SUSD1: variants seen among roughly 807,000 people sequenced by gnomAD.
SUSD1 encodes the protein sushi domain-containing protein 1.
Under a neutral mutation model 86.9 loss-of-function variants are expected in SUSD1, and 65 were observed. That is an observed-to-expected ratio of 0.75 (90% confidence interval 0.61 to 0.92). The LOEUF is 0.92. Among genes scored for constraint, SUSD1 ranks in the 40% least tolerant of loss-of-function variants. SUSD1 has a pLI of 0.00. For synonymous variants in SUSD1, 346 were observed against 350.0 expected (o/e 0.99, Z 0.13); for missense variants, 850 against 929.7 (o/e 0.91, Z 1.11).
At position 112,052,498 on chromosome 9, in the gene SUSD1, T is replaced by C. The variant is rs114419743; in HGVS notation, c.2110-60A>G. Reference sequence around the variant, plus strand: ...GTGGCACACAGTGTCAGTTTAAATATAGTTTGGAGGCTGAAGCCCTCTGAG... The same window carrying C: ...GTGGCACACAGTGTCAGTTTAAATACAGTTTGGAGGCTGAAGCCCTCTGAG... On this transcript the variant is annotated intron_variant, in intron 14 of 16. Coordinates refer to ENST00000374270, the MANE Select transcript of SUSD1 (RefSeq NM_022486.5). 5.9e-4 allele frequency: 940 copies of C among 1,596,922 alleles called. 4 individuals are homozygous for C. In the African/African-American group the frequency reaches 0.011, roughly 18 times the overall value.
intron 2 of SUSD1, among the ~76,000 whole-genome samples, chr9:112,155,815 G>A (rs1255587830): frequency 6.6e-6 from 1 of 151,322 alleles, no homozygotes; most frequent in Non-Finnish European, 1.5e-5. Context: ...TGAAGAAGGG[G>A]AAGAAGAAAA....
intron 6 of SUSD1, among the ~76,000 whole-genome samples, chr9:112,124,029 G>A (rs1407017927): frequency 2.0e-5 from 3 of 152,042 alleles, no homozygotes; most frequent in African/African-American, 7.2e-5. Flanking sequence ...GATTTAAGGT[G>A]GGTCTCAAAA....
intron 1 of SUSD1, among the ~76,000 whole-genome samples, chr9:112,174,318 TG>T (rs1393877294): frequency 6.6e-6 from 1 of 152,280 alleles, no homozygotes; most frequent in African/African-American, 2.4e-5. Flanking sequence ...CCCCTTTCCC[TG>T]CCCTCACCAC....
intron 10 of SUSD1, among the ~76,000 whole-genome samples, chr9:112,096,498 C>A (rs1235890623): frequency 1.3e-5 from 2 of 152,034 alleles, no homozygotes; most frequent in Non-Finnish European, 2.9e-5. Flanking sequence ...GGACTTCATG[C>A]CTTTACATTT....
At chr9:112,170,193 T>G (rs1833979933) in intron 1 of SUSD1, among the ~76,000 whole-genome samples, 1 of 152,174 alleles carries the variant, frequency 6.6e-6, no homozygotes, top group South Asian at 2.1e-4. Context: ...CCCTTTATTT[T>G]AAGTAACTTT....
At chr9:112,109,338 C>T (rs1830992508) in intron 8 of SUSD1, among the ~76,000 whole-genome samples, 1 of 152,064 alleles carries the variant, frequency 6.6e-6, no homozygotes, top group East Asian at 1.9e-4. Flanking sequence ...AGGAAAATAG[C>T]ATAACTCCAA....
At chr9:112,046,441 A>G (rs1441799605) in intron 15 of SUSD1, among the ~76,000 whole-genome samples, 1 of 152,144 alleles carries the variant, frequency 6.6e-6, no homozygotes, top group Non-Finnish European at 1.5e-5. Context: ...GTCCATTAAG[A>G]CTAAACTTCA....
rs772760211 is a variant in SUSD1, at chr9:112,062,843, A to G, written c.1850+94T>C. The stretch of plus-strand genomic sequence containing the variant: ...TTGTTCTAACCACCCAAGTGCAGCC[A>G]CCAACACAGAAGTCTTCTCCTCACC... On this transcript the variant is annotated intron_variant, in intron 13 of 16. Coordinates refer to ENST00000374270, the MANE Select transcript of SUSD1 (RefSeq NM_022486.5). The G allele has an allele frequency of 3.3e-4, 262 of 799,590 alleles. 1 individual carries two copies. Among genetic ancestry groups the G allele is most frequent in the Admixed American group, 6.5e-4 (31 of 47,768 alleles). 49.5% of individuals were successfully genotyped at this position (799,590 alleles called of 1,614,324 possible).
intron 5 of SUSD1, among the ~76,000 whole-genome samples, chr9:112,136,152 G>A (rs1832253624): frequency 6.6e-6 from 1 of 152,222 alleles, no homozygotes. Flanking sequence ...AGTCAATGCA[G>A]TTTTTAAAAA....
chr9:112,145,833 G>A (rs983510978), intron 3 of SUSD1: 3 of 152,096 alleles, frequency 2.0e-5, no homozygotes, highest in Admixed American at 6.6e-5. Flanking sequence ...GGCTCATGGT[G>A]GTTTCCATGA....
intron 1 of SUSD1, among the ~76,000 whole-genome samples, chr9:112,160,351 C>T (rs1833512673): frequency 6.6e-6 from 1 of 152,034 alleles, no homozygotes; most frequent in African/African-American, 2.4e-5. Context: ...CAAGACCAGC[C>T]TGGCCAACGT....
rs1281605437 is a variant in SUSD1, at chr9:112,124,369, C to T, written c.774G>A (p.Leu258=). 1.9e-6 allele frequency: 3 copies of T among 1,614,076 alleles called. No individual in the cohort carries two copies. The highest frequency in any genetic ancestry group is 1.7e-6 in the Non-Finnish European group (2 of 1,180,014). The change falls in exon 6 of 17, where the codon CTG becomes CTA. Residue 258 remains leucine (L), a synonymous_variant. Transcript: ENST00000374270. ...GACAGACATAGCGAGCCACACCGCCCAGCCTGGAGCTGTGATTTCCTACCA... is the reference window on the plus strand; with the variant it reads ...GACAGACATAGCGAGCCACACCGCCTAGCCTGGAGCTGTGATTTCCTACCA... ...AILVGNHSSR[L]GGVARYVCQE...
intron 8 of SUSD1, among the ~76,000 whole-genome samples, chr9:112,109,156 AC>A (rs777256489): frequency 2.1e-3 from 318 of 152,318 alleles, no homozygotes; most frequent in Non-Finnish European, 3.3e-3. Context: ...ACATAAACAG[AC>A]CCAAAATCAT....
chr9:112,063,442 T>C (rs1233991509), intron 12 of SUSD1, among the ~76,000 whole-genome samples: 1 of 152,204 alleles, frequency 6.6e-6, no homozygotes, highest in Non-Finnish European at 1.5e-5. Context: ...GCACATTTTA[T>C]GTGATGTGTA....
chr9:112,048,414 C>T (rs1182975126), intron 15 of SUSD1, among the ~76,000 whole-genome samples: 5 of 152,110 alleles, frequency 3.3e-5, no homozygotes, highest in Non-Finnish European at 7.3e-5. Flanking sequence ...TGTACATATA[C>T]AGTAAATACA....
intron 12 of SUSD1, among the ~76,000 whole-genome samples, chr9:112,070,003 T>C (rs950450242): frequency 1.3e-5 from 2 of 152,158 alleles, no homozygotes; most frequent in Admixed American, 6.5e-5. Context: ...TTTTTGTTTT[T>C]GTTTTTGCTT....
intron 8 of SUSD1, among the ~76,000 whole-genome samples, chr9:112,107,530 A>C (rs1003924598): frequency 6.6e-6 from 1 of 152,162 alleles, no homozygotes; most frequent in East Asian, 1.9e-4. Flanking sequence ...TGGATAACTT[A>C]TCTAATCAAA....
intron 15 of SUSD1, among the ~76,000 whole-genome samples, chr9:112,042,671 T>G (rs1827793798): frequency 1.3e-5 from 2 of 152,216 alleles, no homozygotes; most frequent in African/African-American, 4.8e-5. Flanking sequence ...TGCAAACACT[T>G]ACTTAGCACT....
chr9:112,109,810 A>G (rs1831013691), intron 8 of SUSD1, among the ~76,000 whole-genome samples: 1 of 152,230 alleles, frequency 6.6e-6, no homozygotes, highest in South Asian at 2.1e-4. Context: ...CTGATTAGTT[A>G]CCATATTAAT....
Sources: gnomAD v4.1 joint callset for allele counts (sites outside exome capture counted in the v4.1 genomes callset) on GRCh38, gnomAD v4.1.1 for gene constraint, MANE v1.5 for transcripts, NCBI Gene and HGNC (gene_info 2026-07-23, HGNC 2026-07-21) for gene names.